The following CSMD1 variants were observed in gnomAD, a reference collection of about 807,000 sequenced individuals.
CSMD1 encodes the protein CUB and sushi domain-containing protein 1.
CSMD1 carries 213 observed loss-of-function variants against 417.5 expected under a neutral mutation model. That is an observed-to-expected ratio of 0.51 (90% CI 0.46 to 0.57). The LOEUF (loss-of-function observed/expected upper bound fraction) is 0.57, where lower values mean the gene tolerates loss of function less well. CSMD1 is among the 20% of genes least tolerant of loss of function. The pLI, the probability that CSMD1 is intolerant of heterozygous loss-of-function variation, is 0.00. For synonymous variants in CSMD1, 2,862 were observed against 1,736.8 expected (o/e 1.65, Z -16.11); for missense variants, 6,923 against 4,529.7 (o/e 1.53, Z -15.17).
intron 2 of CSMD1, among the ~76,000 whole-genome samples, chr8:4,623,332 G>C (rs558167543): frequency 6.6e-6 from 1 of 152,090 alleles, no homozygotes; most frequent in African/African-American, 2.4e-5. Flanking sequence ...AAAAGGCTGA[G>C]TACACTAAAT....
intron 3 of CSMD1, among the ~76,000 whole-genome samples, chr8:4,180,194 T>C (rs574726194): frequency 3.7e-4 from 57 of 152,080 alleles, no homozygotes; most frequent in African/African-American, 1.3e-3. Flanking sequence ...CCAACAATGA[T>C]AGACTGGATT....
At chr8:4,422,588 T>A (rs928680106) in intron 2 of CSMD1, among the ~76,000 whole-genome samples, 1 of 152,204 alleles carries the variant, frequency 6.6e-6, no homozygotes, top group African/African-American at 2.4e-5. Context: ...AACTGACTAT[T>A]CTGGACCCTG....
chr8:3,348,455 C>A (rs528816158), intron 21 of CSMD1, among the ~76,000 whole-genome samples: 1 of 152,202 alleles, frequency 6.6e-6, no homozygotes, highest in African/African-American at 2.4e-5. Flanking sequence ...GGTGCTCCAG[C>A]ACCATGGCTC....
chr8:4,156,227 G>A (rs1796826784), intron 3 of CSMD1, among the ~76,000 whole-genome samples: 2 of 152,120 alleles, frequency 1.3e-5, no homozygotes, highest in South Asian at 4.1e-4. Context: ...TCCTTGGGGT[G>A]GTAGCAAAAT....
intron 5 of CSMD1, among the ~76,000 whole-genome samples, chr8:3,941,874 G>C (rs1338053065): frequency 6.6e-6 from 1 of 152,122 alleles, no homozygotes; most frequent in South Asian, 2.1e-4. Context: ...CTATGGGCCA[G>C]TGTCAGTCTG....
chr8:4,324,059 C>T (rs983441630), intron 3 of CSMD1, among the ~76,000 whole-genome samples: 12 of 152,156 alleles, frequency 7.9e-5, no homozygotes, highest in African/African-American at 2.7e-4. Context: ...TTCAAATTTA[C>T]CCGAGGCCAA....
At chr8:3,538,397 T>C (rs1338371719) in intron 10 of CSMD1, among the ~76,000 whole-genome samples, 1 of 152,032 alleles carries the variant, frequency 6.6e-6, no homozygotes, top group Admixed American at 6.5e-5. Flanking sequence ...CTGGTGCACC[T>C]GAGATGCCTC....
chr8:3,108,664 T>G lies in CSMD1; in HGVS notation c.6693A>C (p.Gln2231His). ...ALETAYSSTN[Q>H]VLLKFHSDFS... ...AGTCGCTGTGGAACTTGAGCAGGAC[T>G]TGGTTGGTGGAGCTATACGCCGTTT... Residue 2231 changes from glutamine to histidine, a missense_variant, in exon 44 of 70, where the codon CAA (glutamine) becomes CAC (histidine). Physicochemically the swap from Gln to His is conservative, Grantham distance 24. Coordinates refer to ENST00000635120, the MANE Select transcript of CSMD1 (RefSeq NM_033225.6). 6.2e-7 allele frequency: 1 copy of G among 1,613,700 alleles called. No homozygotes were observed. Among genetic ancestry groups the G allele is most frequent in the East Asian group, 2.2e-5 (1 of 44,862 alleles).
chr8:3,928,627 T>C (rs1809919839), intron 5 of CSMD1, among the ~76,000 whole-genome samples: 1 of 150,314 alleles, frequency 6.7e-6, no homozygotes, highest in Non-Finnish European at 1.5e-5. Context: ...GAGAAGGAAG[T>C]AATAAGAGTA....
Position 4,040,062 on chromosome 8 carries a change from G to C in CSMD1, c.416-7963C>G, listed in dbSNP as rs554498966. Among the ~76,000 whole-genome samples the C allele has an allele frequency of 3.9e-5, 6 of 152,220 alleles. No homozygotes were observed. In the East Asian group the frequency reaches 9.7e-4, roughly 25 times the overall value. On this transcript the variant is annotated intron_variant, in intron 3 of 69. Coordinates refer to ENST00000635120, the MANE Select transcript of CSMD1 (RefSeq NM_033225.6). The stretch of plus-strand genomic sequence containing the variant: ...ATTCTAAAGCACCATGCAAATGTTA[G>C]GGAAATAATACAATTTTCAAAGTAT...
chr8:3,896,638 A>T (rs1218151217), intron 5 of CSMD1, among the ~76,000 whole-genome samples: 3 of 151,968 alleles, frequency 2.0e-5, no homozygotes, highest in African/African-American at 7.3e-5. Flanking sequence ...CAGCCTCCCG[A>T]GTAGCTGGGA....
At chr8:3,462,403 C>A (rs1759010846) in intron 12 of CSMD1, among the ~76,000 whole-genome samples, 1 of 152,190 alleles carries the variant, frequency 6.6e-6, no homozygotes, top group Admixed American at 6.5e-5. Context: ...AGGTGAGCAG[C>A]AGGCAACGGA....
At chr8:4,288,629 G>A (rs937067120) in intron 3 of CSMD1, among the ~76,000 whole-genome samples, 1 of 152,164 alleles carries the variant, frequency 6.6e-6, no homozygotes, top group Admixed American at 6.5e-5. Context: ...GGTGAAGGAT[G>A]TTGCCACCAA....
chr8:4,216,694 C>G (rs1262046510), intron 3 of CSMD1, among the ~76,000 whole-genome samples: 1 of 152,102 alleles, frequency 6.6e-6, no homozygotes, highest in East Asian at 1.9e-4. Flanking sequence ...TTCATGTAAG[C>G]ACCAGTCATC....
chr8:4,966,406 G>C lies in CSMD1; in HGVS notation c.85+27926C>G, dbSNP rs1455668778. On this transcript the variant is annotated intron_variant, in intron 1 of 69. Transcript: ENST00000635120. The stretch of plus-strand genomic sequence containing the variant: ...AACAAAAAACAACAACAAAAAAAGA[G>C]TTCCAAACTATCTCCCGGTATTTGG... Among the ~76,000 whole-genome samples, 5 of 151,796 alleles carry C rather than the reference G, an allele frequency of 3.3e-5. No individual in the cohort carries two copies. The East Asian group carries it at 9.7e-4, about 29-fold the overall frequency.
chr8:4,973,006 G>T (rs118168872), intron 1 of CSMD1, among the ~76,000 whole-genome samples: 1 of 151,920 alleles, frequency 6.6e-6, no homozygotes, highest in East Asian at 1.9e-4. Flanking sequence ...TGATCCCATC[G>T]TTTTATATTT....
chr8:4,811,318 G>C (rs1393492683), intron 1 of CSMD1, among the ~76,000 whole-genome samples: 1 of 152,090 alleles, frequency 6.6e-6, no homozygotes. Flanking sequence ...ATATTGACTC[G>C]GAGAGAGAAG....
At chr8:3,240,996 T>C (rs1259050692) in intron 26 of CSMD1, among the ~76,000 whole-genome samples, 2 of 150,494 alleles carry the variant, frequency 1.3e-5, no homozygotes, top group Non-Finnish European at 3.0e-5. Context: ...TAGTTTTTAA[T>C]GAGATGATAA....
intron 10 of CSMD1, among the ~76,000 whole-genome samples, chr8:3,535,304 G>A (rs1179034130): frequency 6.6e-6 from 1 of 152,024 alleles, no homozygotes; most frequent in Non-Finnish European, 1.5e-5. Flanking sequence ...CAAGCTTTTG[G>A]CCGTACTTTC....
Sources: allele counts gnomAD v4.1 joint callset (sites outside exome capture counted in the v4.1 genomes callset), GRCh38; gene constraint gnomAD v4.1.1; transcripts MANE v1.5; gene names NCBI Gene and HGNC (gene_info 2026-07-23, HGNC 2026-07-21).